SAG: variants seen among roughly 807,000 people sequenced by gnomAD.
SAG encodes S-arrestin.
SAG carries 45 observed loss-of-function variants against 55.0 expected under a neutral mutation model. That is an observed-to-expected ratio of 0.82 (90% CI 0.64 to 1.05). The LOEUF is 1.05. SAG is among the 50% of genes least tolerant of loss of function. SAG has a pLI of 0.00. For synonymous variants in SAG, 189 were observed against 197.4 expected (o/e 0.96, Z 0.36); for missense variants, 455 against 512.1 (o/e 0.89, Z 1.08).
chr2:233,313,601 A>G (rs970646209), intron 2 of SAG, among the ~76,000 whole-genome samples: 2 of 152,022 alleles, frequency 1.3e-5, no homozygotes, highest in African/African-American at 4.8e-5. Context: ...GTTGGAGTAC[A>G]ATGGTACGAT....
chr2:233,322,802 T>A, intron 5 of SAG, 144 bp from the exon 6 acceptor site: 1 of 618,688 alleles, frequency 1.6e-6, no homozygotes, highest in Non-Finnish European at 2.8e-6. Flanking sequence ...GCAATATGTA[T>A]TTGGGTGTCA....
At chr2:233,332,469 A>G (rs1366801919) in intron 10 of SAG, 1 of 152,242 alleles carries the variant, frequency 6.6e-6, no homozygotes, top group Non-Finnish European at 1.5e-5. Flanking sequence ...AAGACAACTG[A>G]TTCCTTAAGA....
In SAG at chr2:233,325,090, G is replaced by C. The variant is rs561535182; in HGVS notation, c.436-2031G>C. On this transcript the variant is annotated intron_variant, in intron 6 of 15. Transcript: ENST00000409110. ...AAAATAGAAAAATTAGCCAGGCATG[G>C]TGGCGCGTGCCTGTAATCCCAGCCA... Among the ~76,000 whole-genome samples the C allele has an allele frequency of 1.4e-4, 22 of 152,158 alleles. 1 individual carries two copies. Among genetic ancestry groups the C allele is most frequent in the Admixed American group, 1.2e-3 (19 of 15,282 alleles).
rs2125357353 is a variant in SAG, at chr2:233,347,053, T to A, written c.*141T>A. On this transcript the variant is annotated 3_prime_UTR_variant, in exon 16 of 16. Coordinates refer to ENST00000409110, the MANE Select transcript of SAG (RefSeq NM_000541.5). This position sits in a 1 kb window ranked among gnomAD's most constrained non-coding sequence, Gnocchi z 4.5. ...GAAATAAAGCTTGTTTGTTCTCCCC[T>A]GGGTCATGAGTTGGTTGATTTGTTG... 1 of 612,994 alleles carries A rather than the reference T, an allele frequency of 1.6e-6. No individual in the cohort carries two copies. Among genetic ancestry groups the A allele is most frequent in the East Asian group, 2.8e-5 (1 of 35,888 alleles). The allele number at this position is 612,994 out of a possible 1,614,324, so 38.0% of individuals were successfully genotyped here.
chr2:233,316,112 A>T lies in SAG; in HGVS notation c.113A>T (p.His38Leu). The T allele has an allele frequency of 6.3e-7, 1 of 1,598,026 alleles. No individual in the cohort carries two copies. The highest frequency in any genetic ancestry group is 8.5e-7 in the Non-Finnish European group (1 of 1,170,334). Reference protein sequence around the residue: ...IYLGNRDYIDHVSQVQPVDGV... With the variant: ...IYLGNRDYIDLVSQVQPVDGV... ...CTGGGGAACAGAGACTACATAGACC[A>T]TGTCAGCCAAGTCCAGCCTGTGGGT... The change falls in exon 3 of 16, where the codon CAT becomes CTT. Residue 38 changes from histidine to leucine, a missense_variant. By Grantham distance (99) the His-to-Leu change is moderately conservative (BLOSUM62 -3). Transcript: ENST00000409110.
chr2:233,324,584 G>C lies in SAG; in HGVS notation c.435+1579G>C, dbSNP rs138044441. On this transcript the variant is annotated intron_variant, in intron 6 of 15. Transcript: ENST00000409110. Reference sequence around the variant, plus strand: ...AAATGGTCACTATGGCCACAGAGTTGAGAACAGAGTTGAGATGGCCAAGCA... The same window carrying C: ...AAATGGTCACTATGGCCACAGAGTTCAGAACAGAGTTGAGATGGCCAAGCA... Among the ~76,000 whole-genome samples, 95 of 152,310 alleles carry C rather than the reference G, an allele frequency of 6.2e-4. No individual in the cohort carries two copies. In the East Asian group the frequency reaches 0.017, roughly 28 times the overall value.
Position 233,319,265 on chromosome 2 carries a change from C to T in SAG, c.181+470C>T, listed in dbSNP as rs924514912. Among the ~76,000 whole-genome samples the T allele has an allele frequency of 7.5e-6, 1 of 133,788 alleles. No homozygotes were observed. Among genetic ancestry groups the T allele is most frequent in the Admixed American group, 7.4e-5 (1 of 13,428 alleles). 87.8% of individuals were successfully genotyped at this position (133,788 alleles called of 152,430 possible). On this transcript the variant is annotated intron_variant, in intron 4 of 15. Transcript: ENST00000409110. The surrounding 1 kb of genome is among the most constrained non-coding windows in gnomAD (Gnocchi z 4.4). The stretch of plus-strand genomic sequence containing the variant: ...TGACAGGCAAAATTCTCAACCAACA[C>T]CAAAAAGGGGGAAATGATGCCTGCT...
At chr2:233,312,128 A>G (rs928375224) in intron 2 of SAG, among the ~76,000 whole-genome samples, 3 of 152,192 alleles carry the variant, frequency 2.0e-5, no homozygotes, top group African/African-American at 4.8e-5. Context: ...CTCTGTCTCA[A>G]ATAAATAAAC....
intron 6 of SAG, among the ~76,000 whole-genome samples, chr2:233,324,071 G>A (rs1222976894): frequency 1.3e-5 from 2 of 152,166 alleles, no homozygotes; most frequent in Non-Finnish European, 2.9e-5. Flanking sequence ...GGGGCAGTGA[G>A]GAGGTTGCCT....
At chr2:233,320,177 C>G (rs963114177) in intron 4 of SAG, among the ~76,000 whole-genome samples, 2 of 152,190 alleles carry the variant, frequency 1.3e-5, no homozygotes, top group Non-Finnish European at 2.9e-5. Context: ...CTCACTCAGC[C>G]CACGATTGAC....
At chr2:233,327,255 C>G (rs2304772) in intron 7 of SAG, 58 bp downstream of exon 7, 1 of 1,369,104 alleles carries the variant, frequency 7.3e-7, no homozygotes, top group East Asian at 2.3e-5. Flanking sequence ...AGAGAAGAGA[C>G]GACCTCCACC....
In SAG at chr2:233,340,214, C is replaced by A. The variant is rs1701056224; in HGVS notation, c.1023-241C>A. ...TCAAGTGATCCGCCCACCTCGGCCT[C>A]CCAAAGTGCTGGGATTACAGGCATG... is the stretch of plus-strand genomic sequence containing the variant. On this transcript the variant is annotated intron_variant, in intron 12 of 15. Coordinates refer to ENST00000409110, the MANE Select transcript of SAG (RefSeq NM_000541.5). This position sits in a 1 kb window ranked among gnomAD's most constrained non-coding sequence, Gnocchi z 4.2. 6.6e-6 allele frequency among the ~76,000 whole-genome samples: 1 copy of A among 152,208 alleles called. No homozygotes were observed. The highest frequency in any genetic ancestry group is 1.9e-4 in the East Asian group (1 of 5,200).
intron 7 of SAG, 122 bp downstream of exon 7, chr2:233,327,319 T>C: frequency 1.4e-6 from 1 of 723,800 alleles, no homozygotes; most frequent in Non-Finnish European, 2.4e-6. Flanking sequence ...TGGGGTACCA[T>C]CTGCATGTGG....
chr2:233,314,565 G>A (rs945395285), intron 2 of SAG, among the ~76,000 whole-genome samples: 2 of 152,200 alleles, frequency 1.3e-5, no homozygotes, highest in South Asian at 2.1e-4. Flanking sequence ...GCTGGGACTC[G>A]CTGCAGCAAC....
chr2:233,317,975 A>G (rs1310461977), intron 3 of SAG, among the ~76,000 whole-genome samples: 4 of 152,060 alleles, frequency 2.6e-5, no homozygotes, highest in Non-Finnish European at 4.4e-5. Flanking sequence ...TCTGGAAAAA[A>G]ATTTTTTTTG....
chr2:233,338,985 T>G (rs936750230), intron 12 of SAG: 2 of 616,982 alleles, frequency 3.2e-6, no homozygotes, highest in African/African-American at 1.8e-5. Context: ...TGTGCATTCT[T>G]AGCGCCACTT....
intron 2 of SAG, 115 bp downstream of exon 2, chr2:233,309,379 G>T: frequency 4.4e-6 from 4 of 910,128 alleles, no homozygotes; most frequent in Non-Finnish European, 6.9e-6. Context: ...GCCAGGGCGC[G>T]GTGGCTCATG....
At chr2:233,322,921 A>AT (rs1269001984) in intron 5 of SAG, 25 bp from the exon 6 acceptor site, 6 of 1,439,514 alleles carry the variant, frequency 4.2e-6, no homozygotes, top group South Asian at 1.3e-5. Flanking sequence ...GAAATAAATG[A>AT]TTTTTTATTT....
intron 8 of SAG, chr2:233,328,872 CT>C (rs1188477595): frequency 4.8e-6 from 2 of 420,872 alleles, no homozygotes; most frequent in African/African-American, 4.1e-5. Flanking sequence ...GGAAGGGGCG[CT>C]GCTTTTCACA....
Sources: allele counts gnomAD v4.1 joint callset (sites outside exome capture counted in the v4.1 genomes callset), GRCh38; gene constraint gnomAD v4.1.1; non-coding constraint Gnocchi (gnomAD v3.1); transcripts MANE v1.5; gene names NCBI Gene and HGNC (gene_info 2026-07-23, HGNC 2026-07-21).